CACNA2D1: variants seen among roughly 807,000 people sequenced by gnomAD.
The protein encoded by CACNA2D1 is voltage-dependent calcium channel subunit alpha-2/delta-1.
In CACNA2D1, 53 loss-of-function variants were observed where a neutral mutation model predicts 171.5. The ratio of observed to expected loss-of-function variants is 0.31; its 90% confidence interval spans 0.25 to 0.39. The LOEUF is 0.39. Among genes scored for constraint, CACNA2D1 ranks in the 10% least tolerant of loss-of-function variants. The probability of loss-of-function intolerance (pLI) is 1.00; values close to 1 mark genes in which losing one functional copy is unlikely to be tolerated. For synonymous variants in CACNA2D1, 442 were observed against 443.1 expected, an observed-to-expected ratio of 1.00 and a Z score of 0.03; for missense variants, 903 against 1,299.8, an observed-to-expected ratio of 0.69 and a Z score of 4.69.
intron 1 of CACNA2D1, among the ~76,000 whole-genome samples, chr7:82,432,715 T>C (rs1022994463): frequency 6.6e-6 from 1 of 152,182 alleles, no homozygotes; most frequent in Non-Finnish European, 1.5e-5. Context: ...ACTTCTCCCT[T>C]CTACTGGGGG....
intron 3 of CACNA2D1, among the ~76,000 whole-genome samples, chr7:82,334,527 C>T (rs948789507): frequency 6.6e-6 from 1 of 152,106 alleles, no homozygotes; most frequent in African/African-American, 2.4e-5. Flanking sequence ...TGCAAACATA[C>T]ATATAAATCA....
intron 11 of CACNA2D1, 21 bp from the exon 12 acceptor site, chr7:82,032,922 C>A (rs1802885766): frequency 3.2e-6 from 4 of 1,249,654 alleles, no homozygotes; most frequent in Non-Finnish European, 4.7e-6. Context: ...CAAAACCAAA[C>A]AAAACAATAT....
chr7:82,063,976 A>G (rs1486004298), intron 9 of CACNA2D1, among the ~76,000 whole-genome samples: 1 of 151,706 alleles, frequency 6.6e-6, no homozygotes, highest in Non-Finnish European at 1.5e-5. Flanking sequence ...CTCCCACCTT[A>G]GCCTCCCAAG....
chr7:82,038,281 A>G, intron 10 of CACNA2D1, 46 bp from the exon 11 acceptor site: 1 of 1,517,720 alleles, frequency 6.6e-7, no homozygotes, highest in Middle Eastern at 2.1e-4. Flanking sequence ...ATTAAAATCA[A>G]CCATATAGTT....
chr7:82,045,497 T>C (rs146846000), intron 10 of CACNA2D1, among the ~76,000 whole-genome samples: 110 of 152,278 alleles, frequency 7.2e-4, no homozygotes, highest in African/African-American at 2.5e-3. Context: ...TATATAGTCA[T>C]GGTGGAATTT....
In CACNA2D1 at chr7:82,104,140, T is replaced by A. The variant is rs79089451; in HGVS notation, c.526+12904A>T. On this transcript the variant is annotated intron_variant, in intron 6 of 38. Coordinates refer to ENST00000356860, the MANE Select transcript of CACNA2D1 (RefSeq NM_000722.4). ...TCTAATTAATTAAATTAATTTGCAT[T>A]TGAGCAAATTTAATTAATTGTATAA... Among the ~76,000 whole-genome samples the A allele has an allele frequency of 6.7e-3, 1,019 of 152,142 alleles. 3 individuals carry two copies. The highest frequency in any genetic ancestry group is 0.031 in the Middle Eastern group (9 of 288).
intron 6 of CACNA2D1, among the ~76,000 whole-genome samples, chr7:82,110,915 T>C (rs976966097): frequency 6.6e-6 from 1 of 152,130 alleles, no homozygotes; most frequent in Admixed American, 6.6e-5. Context: ...ATTATTTTAA[T>C]TGTTTGTTTT....
chr7:81,959,366 G>C lies in CACNA2D1; in HGVS notation c.3077-9C>G. ...AGGATTTGGACCGTCAGCTAAAAGA[G>C]ACTTGTTAAGGAATCTCATGTTAGT... On this transcript the variant is annotated splice_polypyrimidine_tract_variant and intron_variant, in intron 37 of 38. Transcript: ENST00000356860. 6.3e-7 allele frequency: 1 copy of C among 1,581,748 alleles called. No individual in the cohort carries two copies. The highest frequency in any genetic ancestry group is 8.7e-7 in the Non-Finnish European group (1 of 1,150,612).
intron 3 of CACNA2D1, among the ~76,000 whole-genome samples, chr7:82,242,592 T>C (rs955761964): frequency 5.3e-5 from 8 of 152,172 alleles, no homozygotes; most frequent in Admixed American, 4.6e-4. Flanking sequence ...CTAACCGGCA[T>C]TCAGTCTTTT....
chr7:82,424,871 G>A (rs1276009932), intron 1 of CACNA2D1, among the ~76,000 whole-genome samples: 1 of 152,226 alleles, frequency 6.6e-6, no homozygotes, highest in East Asian at 1.9e-4. Context: ...AAATCTGTGA[G>A]CACGTAAAGT....
intron 29 of CACNA2D1, among the ~76,000 whole-genome samples, chr7:81,967,950 C>T (rs182353853): frequency 1.3e-4 from 19 of 151,526 alleles, no homozygotes; most frequent in Admixed American, 1.1e-3. Context: ...GTCATTCAAA[C>T]GGTATATTTT....
rs3801744 is a variant in CACNA2D1, at chr7:82,150,540, G to T, written c.355-13864C>A. ...CTATCTTGAAAGGTCAAGTTAAGGT[G>T]TATTCATTTATTCCTGAAAAGTAAT... On this transcript the variant is annotated intron_variant, in intron 4 of 38. Coordinates refer to ENST00000356860, the MANE Select transcript of CACNA2D1 (RefSeq NM_000722.4). Among the ~76,000 whole-genome samples, 10 of 151,736 alleles carry T rather than the reference G, an allele frequency of 6.6e-5. No homozygotes were observed. The East Asian group carries it at 1.7e-3, about 26-fold the overall frequency.
intron 1 of CACNA2D1, among the ~76,000 whole-genome samples, chr7:82,425,759 T>C (rs555521187): frequency 3.3e-5 from 5 of 150,310 alleles, no homozygotes; most frequent in African/African-American, 1.2e-4. Flanking sequence ...GCCTCCCAAA[T>C]TGCTGGGATT....
intron 3 of CACNA2D1, among the ~76,000 whole-genome samples, chr7:82,243,561 T>C (rs1310017105): frequency 2.0e-5 from 3 of 152,208 alleles, no homozygotes; most frequent in Non-Finnish European, 2.9e-5. Context: ...TACTTGTTAT[T>C]TGACAAGCAA....
At chr7:82,274,741 A>G (rs1809093119) in intron 3 of CACNA2D1, among the ~76,000 whole-genome samples, 1 of 152,172 alleles carries the variant, frequency 6.6e-6, no homozygotes, top group Non-Finnish European at 1.5e-5. Flanking sequence ...AAAGAACACT[A>G]GATTACAAAC....
chr7:82,259,816 T>C (rs1253396698), intron 3 of CACNA2D1, among the ~76,000 whole-genome samples: 1 of 152,254 alleles, frequency 6.6e-6, no homozygotes, highest in Non-Finnish European at 1.5e-5. Context: ...TTAGTTATTT[T>C]ATAACCTTGA....
chr7:82,003,743 A>AC (rs1448414284), intron 18 of CACNA2D1, among the ~76,000 whole-genome samples: 1 of 146,500 alleles, frequency 6.8e-6, no homozygotes, highest in Non-Finnish European at 1.5e-5. Flanking sequence ...TCATCACATT[A>AC]CTTTTTTTTT....
Position 82,011,632 on chromosome 7 carries a change from T to C in CACNA2D1, c.1362+522A>G, listed in dbSNP as rs369090853. On this transcript the variant is annotated intron_variant, in intron 15 of 38. Transcript: ENST00000356860. ...AGGTTGAATCTAGCACAAAAGATTATATTAATACATGAAGAAGTTTGTGAT... is the reference window on the plus strand; with the variant it reads ...AGGTTGAATCTAGCACAAAAGATTACATTAATACATGAAGAAGTTTGTGAT... Among the ~76,000 whole-genome samples the C allele has an allele frequency of 8.4e-4, 128 of 152,314 alleles. 4 individuals carry two copies. The South Asian group carries it at 0.026, about 31-fold the overall frequency.
chr7:82,254,452 G>T (rs983908329), intron 3 of CACNA2D1, among the ~76,000 whole-genome samples: 1 of 151,096 alleles, frequency 6.6e-6, no homozygotes, highest in African/African-American at 2.5e-5. Flanking sequence ...TGTATATTAT[G>T]ATTTAATATA....
Sources: allele counts gnomAD v4.1 joint callset (sites outside exome capture counted in the v4.1 genomes callset), GRCh38; gene constraint gnomAD v4.1.1; transcripts MANE v1.5; gene names NCBI Gene and HGNC (gene_info 2026-07-23, HGNC 2026-07-21).